PRELID2: variants seen among roughly 807,000 people sequenced by gnomAD.
PRELID2 encodes PRELI domain-containing protein 2.
In PRELID2, 25 loss-of-function variants were observed where a neutral mutation model predicts 28.4. That is an observed-to-expected ratio of 0.88 (90% CI 0.64 to 1.23). The LOEUF is 1.23. PRELID2 is among the 50% of genes most tolerant of loss of function. The pLI, the probability that PRELID2 is intolerant of heterozygous loss-of-function variation, is 0.00. For missense variants in PRELID2, 201 were observed against 214.4 expected, an observed-to-expected ratio of 0.94 and a Z score of 0.39; for synonymous variants, 76 against 71.6, an observed-to-expected ratio of 1.06 and a Z score of -0.31.
At chr5:145,752,330 T>G (rs992716396), downstream of PRELID2, among the ~76,000 whole-genome samples, 1 of 152,216 alleles carries the variant, frequency 6.6e-6, no homozygotes, top group African/African-American at 2.4e-5. Context: ...GAAAGACTAC[T>G]TTCCATACTG....
the PRELID2 span, among the ~76,000 whole-genome samples, chr5:145,296,793 T>C: frequency 1.4e-4 from 22 of 152,226 alleles, no homozygotes; most frequent in Middle Eastern, 3.4e-3. Flanking sequence ...GTTGAACTAG[T>C]TTACAGTCCC....
rs564099636 is a variant in PRELID2 at position 145,747,255 on chromosome 5, TA to T, written n.70+17675del. ...AAAATCGATGACTCCAGGAGCTGTTTAAAAAAAAAAAAATTAACAAAATAGC... is the reference window on the plus strand; with the variant it reads ...AAAATCGATGACTCCAGGAGCTGTTTAAAAAAAAAAAATTAACAAAATAGC... On this transcript the variant is annotated intron_variant and non_coding_transcript_variant, in intron 1 of 2. Coordinates refer to the PRELID2 transcript ENST00000510259. Among the ~76,000 whole-genome samples the T allele has an allele frequency of 3.3e-3, 456 of 138,754 alleles. 2 individuals carry two copies. The highest frequency in any genetic ancestry group is 0.011 in the Middle Eastern group (3 of 276). 91.0% of individuals were successfully genotyped at this position (138,754 alleles called of 152,430 possible).
At chr5:145,807,610 T>C (rs1753601710) in intron 4 of PRELID2, among the ~76,000 whole-genome samples, 2 of 152,162 alleles carry the variant, frequency 1.3e-5, no homozygotes, top group East Asian at 1.9e-4. Context: ...TGGCTCAATG[T>C]AGAGATTCTC....
chr5:145,771,037 A>C lies in PRELID2; in HGVS notation c.475-6037T>G, dbSNP rs192242592. Reference sequence around the variant, plus strand: ...GTCCAGTAAAGTCCCATGCCTTCCTACTCACCACTTACTGACTCGCCCACC... The same window carrying C: ...GTCCAGTAAAGTCCCATGCCTTCCTCCTCACCACTTACTGACTCGCCCACC... On this transcript the variant is annotated intron_variant, in intron 5 of 6. Transcript: ENST00000683046. Among the ~76,000 whole-genome samples the C allele has an allele frequency of 7.3e-3, 1,107 of 152,168 alleles. 9 individuals are homozygous for C. Among genetic ancestry groups the C allele is most frequent in the Admixed American group, 0.012 (182 of 15,276 alleles).
chr5:145,532,004 A>G (rs1268079212), intron 1 of PRELID2, among the ~76,000 whole-genome samples: 1 of 152,200 alleles, frequency 6.6e-6, no homozygotes, highest in Non-Finnish European at 1.5e-5. Flanking sequence ...GTGTTGTAGA[A>G]ATTAGATGAC....
chr5:145,528,180 C>T (rs773310833), intron 1 of PRELID2, among the ~76,000 whole-genome samples: 1 of 152,084 alleles, frequency 6.6e-6, no homozygotes, highest in Non-Finnish European at 1.5e-5. Flanking sequence ...TAGCTCAACA[C>T]CTCATAGCAT....
chr5:145,342,105 G>A, the PRELID2 span, among the ~76,000 whole-genome samples: 2 of 152,176 alleles, frequency 1.3e-5, no homozygotes, highest in Admixed American at 1.3e-4. Context: ...GAGATAATTT[G>A]TTCAAAGTGC....
At chr5:145,612,691 A>G (rs1753634326) in intron 1 of PRELID2, among the ~76,000 whole-genome samples, 1 of 152,100 alleles carries the variant, frequency 6.6e-6, no homozygotes, top group Non-Finnish European at 1.5e-5. Context: ...GCTCCCACAT[A>G]TCAGTGAAAA....
chr5:145,708,194 A>AT (rs779064415), intron 1 of PRELID2, among the ~76,000 whole-genome samples: 3 of 152,070 alleles, frequency 2.0e-5, no homozygotes, highest in Non-Finnish European at 2.9e-5. Flanking sequence ...TCCCTGTTTT[A>AT]TATGTTGGGC....
chr5:145,408,047 C>A, the PRELID2 span, among the ~76,000 whole-genome samples: 1 of 151,936 alleles, frequency 6.6e-6, no homozygotes, highest in Non-Finnish European at 1.5e-5. Flanking sequence ...AGAAGGGCAA[C>A]AACAATTACT....
intron 1 of PRELID2, among the ~76,000 whole-genome samples, chr5:145,604,203 A>G (rs2149639871): frequency 6.6e-6 from 1 of 152,154 alleles, no homozygotes; most frequent in Non-Finnish European, 1.5e-5. Flanking sequence ...CGCAGGTAAT[A>G]AGCATACCCA....
chr5:145,759,677 G>A lies in PRELID2; in HGVS notation c.*859C>T, dbSNP rs905739627. The A allele has an allele frequency of 6.6e-6, 1 of 152,158 alleles. No individual in the cohort carries two copies. Among genetic ancestry groups the A allele is most frequent in the African/African-American group, 2.4e-5 (1 of 41,420 alleles). The allele number at this position is 152,158 out of a possible 1,614,324, so 9.4% of individuals were successfully genotyped here. A position where few individuals can be genotyped will look rare whatever the true frequency, so the allele number is the denominator to read the frequency against. ...ACTGAGCAAGTAGGTGCCAGCACTTGGATTCAAACCCAGGTCTGTCTGTTG... is the reference window on the plus strand; with the variant it reads ...ACTGAGCAAGTAGGTGCCAGCACTTAGATTCAAACCCAGGTCTGTCTGTTG... On this transcript the variant is annotated 3_prime_UTR_variant, in exon 7 of 7. Coordinates refer to ENST00000683046, the MANE Select transcript of PRELID2 (RefSeq NM_205846.3).
At chr5:145,277,084 T>TCTCTGTGC in the PRELID2 span, among the ~76,000 whole-genome samples, 1 of 152,044 alleles carries the variant, frequency 6.6e-6, no homozygotes, top group Non-Finnish European at 1.5e-5. Flanking sequence ...GAGGGTACCT[T>TCTCTGTGC]CTCTGTGCCA....
At chr5:145,451,304 T>A in the PRELID2 span, among the ~76,000 whole-genome samples, 1 of 152,132 alleles carries the variant, frequency 6.6e-6, no homozygotes, top group Non-Finnish European at 1.5e-5. Flanking sequence ...AGCCTACCAC[T>A]CTGTCACCTC....
the PRELID2 span, among the ~76,000 whole-genome samples, chr5:145,287,989 G>C: frequency 6.6e-6 from 1 of 152,096 alleles, no homozygotes; most frequent in African/African-American, 2.4e-5. Context: ...AATTAGACTG[G>C]GGTCATAGGT....
At chr5:145,615,329 T>C (rs1161764068) in intron 1 of PRELID2, among the ~76,000 whole-genome samples, 1 of 10,272 alleles carries the variant, frequency 9.7e-5, no homozygotes, top group Non-Finnish European at 8.3e-4. Context: ...TTTTTTTTGT[T>C]TTTTTTTTTT....
intron 1 of PRELID2, among the ~76,000 whole-genome samples, chr5:145,501,667 G>A (rs1337100066): frequency 6.6e-6 from 1 of 152,116 alleles, no homozygotes; most frequent in Non-Finnish European, 1.5e-5. Context: ...ATGTGGAACA[G>A]TGAATCCATT....
the PRELID2 span, among the ~76,000 whole-genome samples, chr5:145,289,141 A>AC: frequency 6.6e-6 from 1 of 151,758 alleles, no homozygotes; most frequent in African/African-American, 2.4e-5. Flanking sequence ...CTCCTAAATG[A>AC]TTTTTTTTAA....
chr5:145,557,048 A>T (rs905261248), intron 1 of PRELID2, among the ~76,000 whole-genome samples: 10 of 152,186 alleles, frequency 6.6e-5, no homozygotes, highest in Admixed American at 1.3e-4. Flanking sequence ...TAATCTAATC[A>T]TCTAATAATT....
Sources: gnomAD v4.1 joint callset for allele counts (sites outside exome capture counted in the v4.1 genomes callset) on GRCh38, gnomAD v4.1.1 for gene constraint, MANE v1.5 for transcripts, NCBI Gene and HGNC (gene_info 2026-07-23, HGNC 2026-07-21) for gene names.